INPP4B: variants seen among roughly 807,000 people sequenced by gnomAD.
INPP4B encodes the protein inositol polyphosphate-4-phosphatase type II B.
A neutral mutation model predicts 122.5 loss-of-function variants in INPP4B; 55 were observed. The ratio of observed to expected loss-of-function variants is 0.45; its 90% CI spans 0.36 to 0.56. The LOEUF (loss-of-function observed/expected upper bound fraction) is 0.56. Ranked by LOEUF, INPP4B falls within the 20% of genes least tolerant of loss-of-function variation. INPP4B has a pLI of 0.00. For missense variants in INPP4B, 1,000 were observed against 1,097.7 expected (o/e 0.91, Z 1.26); for synonymous variants, 403 against 388.7 (o/e 1.04, Z -0.43).
intron 23 of INPP4B, among the ~76,000 whole-genome samples, chr4:142,086,734 T>G (rs1777011578): frequency 6.6e-6 from 1 of 152,156 alleles, no homozygotes; most frequent in Non-Finnish European, 1.5e-5. Context: ...ATTTACCTGT[T>G]TTTTTCTTTA....
chr4:142,128,953 GTCT>G (rs1265788632), intron 18 of INPP4B, among the ~76,000 whole-genome samples: 2 of 152,152 alleles, frequency 1.3e-5, no homozygotes, highest in African/African-American at 2.4e-5. Flanking sequence ...CAGGTGCTTG[GTCT>G]TCTTTGCTCA....
rs184497566 is a variant in INPP4B at position 142,141,418 on chromosome 4, C to T, written c.1720+4422G>A. Among the ~76,000 whole-genome samples, 405 of 152,178 alleles carry T rather than the reference C, an allele frequency of 2.7e-3. 5 individuals carry two copies. The highest frequency in any genetic ancestry group is 8.3e-3 in the African/African-American group (343 of 41,548). ...AGTCAGCAGTTTATGAAACTGAAGG[C>T]ATGTAGTGCTATACAGACAGCAGAT... On this transcript the variant is annotated intron_variant, in intron 18 of 25. Coordinates refer to ENST00000262992, the MANE Select transcript of INPP4B (RefSeq NM_001101669.3).
chr4:142,276,270 T>C (rs1748353820), intron 9 of INPP4B, among the ~76,000 whole-genome samples: 1 of 151,926 alleles, frequency 6.6e-6, no homozygotes. Flanking sequence ...ACTTTCACTA[T>C]TTTATTTTTT....
At chr4:142,739,193 A>C (rs926031660) in intron 1 of INPP4B, among the ~76,000 whole-genome samples, 3 of 152,076 alleles carry the variant, frequency 2.0e-5, no homozygotes, top group Non-Finnish European at 4.4e-5. Flanking sequence ...ATTAAGGCAA[A>C]ATTCTATGTT....
intron 17 of INPP4B, among the ~76,000 whole-genome samples, chr4:142,148,617 G>A (rs1432875333): frequency 1.3e-5 from 2 of 152,170 alleles, no homozygotes; most frequent in African/African-American, 4.8e-5. Flanking sequence ...CATCTCTGAA[G>A]AGCCTGAAAA....
At chr4:142,266,111 T>G (rs184914623) in intron 10 of INPP4B, among the ~76,000 whole-genome samples, 2 of 152,182 alleles carry the variant, frequency 1.3e-5, no homozygotes, top group Non-Finnish European at 2.9e-5. Context: ...TTCTGCTCTG[T>G]GTCCCCAGTT....
intron 7 of INPP4B, among the ~76,000 whole-genome samples, chr4:142,352,394 A>AAC (rs1328092821): frequency 6.6e-6 from 1 of 151,920 alleles, no homozygotes; most frequent in Admixed American, 6.6e-5. Context: ...TCAAGACTGA[A>AAC]ACACACACAC....
At chr4:142,219,146 G>A (rs1003351438) in intron 12 of INPP4B, among the ~76,000 whole-genome samples, 3 of 152,244 alleles carry the variant, frequency 2.0e-5, no homozygotes, top group South Asian at 2.1e-4. Flanking sequence ...CATTCACTCC[G>A]ATTTTCACTT....
rs142657237 is a variant in INPP4B at position 142,105,426 on chromosome 4, G to A, written c.2374+2667C>T. ...AACTATTCCATGTTTGTAGATTGCT[G>A]AATTGTGACTATAAACTAAAATTGC... On this transcript the variant is annotated intron_variant, in intron 23 of 25. Transcript: ENST00000262992. 4.4e-3 allele frequency among the ~76,000 whole-genome samples: 667 copies of A among 152,220 alleles called. 6 individuals carry two copies. Among genetic ancestry groups the A allele is most frequent in the South Asian group, 0.037 (179 of 4,818 alleles).
At chr4:142,106,268 G>A (rs1485596158) in intron 23 of INPP4B, among the ~76,000 whole-genome samples, 1 of 152,108 alleles carries the variant, frequency 6.6e-6, no homozygotes, top group Admixed American at 6.6e-5. Context: ...GCAATATATA[G>A]AATCACATGT....
intron 5 of INPP4B, among the ~76,000 whole-genome samples, chr4:142,411,466 A>G (rs2149245682): frequency 6.6e-6 from 1 of 152,342 alleles, no homozygotes; most frequent in Non-Finnish European, 1.5e-5. Flanking sequence ...TTCGAATCTA[A>G]TGAAAGCTCA....
At chr4:142,251,419 A>C (rs1447786042) in intron 11 of INPP4B, among the ~76,000 whole-genome samples, 1 of 152,204 alleles carries the variant, frequency 6.6e-6, no homozygotes, top group African/African-American at 2.4e-5. Flanking sequence ...CTAAAGGTTT[A>C]GTCAACTTTC....
intron 5 of INPP4B, among the ~76,000 whole-genome samples, chr4:142,408,332 G>A (rs966250816): frequency 6.6e-6 from 1 of 151,602 alleles, no homozygotes; most frequent in African/African-American, 2.4e-5. Context: ...AGGCCAGGAT[G>A]ACCTGACATC....
chr4:142,515,064 GGGATTACA>G (rs1175859875), intron 2 of INPP4B, among the ~76,000 whole-genome samples: 9 of 152,244 alleles, frequency 5.9e-5, no homozygotes, highest in Admixed American at 2.6e-4. Context: ...CCAAAGTGCT[GGGATTACA>G]GGCATGAGCC....
chr4:142,390,211 T>C (rs1797227023), intron 7 of INPP4B, among the ~76,000 whole-genome samples: 2 of 152,312 alleles, frequency 1.3e-5, no homozygotes, highest in South Asian at 4.1e-4. Context: ...AGTAGACTAA[T>C]GCAAGGGTGA....
chr4:142,296,532 A>C (rs1382131082), intron 9 of INPP4B, among the ~76,000 whole-genome samples: 3 of 152,222 alleles, frequency 2.0e-5, no homozygotes, highest in African/African-American at 7.2e-5. Flanking sequence ...AATAGCTAAC[A>C]TTTATCAAGA....
intron 25 of INPP4B, among the ~76,000 whole-genome samples, chr4:142,040,100 A>G (rs1289724245): frequency 1.3e-5 from 2 of 151,794 alleles, no homozygotes; most frequent in Non-Finnish European, 2.9e-5. Flanking sequence ...CAGAAAAGAA[A>G]AAGAAGGGAG....
chr4:142,110,590 T>C (rs959235753), intron 22 of INPP4B, among the ~76,000 whole-genome samples: 1 of 152,100 alleles, frequency 6.6e-6, no homozygotes, highest in African/African-American at 2.4e-5. Context: ...GTAAGCAATA[T>C]GCTCAAATTA....
chr4:142,305,450 A>T lies in INPP4B; in HGVS notation c.503+8T>A. 6.2e-7 allele frequency: 1 copy of T among 1,604,126 alleles called. No individual in the cohort carries two copies. Among genetic ancestry groups the T allele is most frequent in the Non-Finnish European group, 8.5e-7 (1 of 1,172,746 alleles). Reference sequence around the variant, plus strand: ...TTTAACAGTATTTCTACAAACAAAGAGACCCACCTCAGGCTCAGGACCAGC... The same window carrying T: ...TTTAACAGTATTTCTACAAACAAAGTGACCCACCTCAGGCTCAGGACCAGC... On this transcript the variant is annotated splice_region_variant and intron_variant, in intron 9 of 25. Transcript: ENST00000262992.
Sources: gnomAD v4.1 joint callset for allele counts (sites outside exome capture counted in the v4.1 genomes callset) on GRCh38, gnomAD v4.1.1 for gene constraint, MANE v1.5 for transcripts, NCBI Gene and HGNC (gene_info 2026-07-23, HGNC 2026-07-21) for gene names.